The following PUDP variants were observed in gnomAD, a reference collection of about 807,000 sequenced individuals.
PUDP encodes the protein pseudouridine-5'-phosphatase.
In PUDP, 8 loss-of-function variants were observed where a neutral mutation model predicts 9.4. The observed-to-expected ratio is 0.85, with a 90% CI of 0.50 to 1.53. The LOEUF is 1.53. Ranked by LOEUF, PUDP falls within the 40% of genes most tolerant of loss-of-function variation. PUDP has a pLI of 0.00. For missense variants in PUDP, 188 were observed against 189.7 expected (o/e 0.99, Z 0.05); for synonymous variants, 99 against 80.7 (o/e 1.23, Z -1.22).
At chrX:6,818,780 G>A (rs1325182319) in intron 3 of PUDP, among the ~76,000 whole-genome samples, 2 of 111,666 alleles carry the variant, frequency 1.8e-5, no homozygotes, top group African/African-American at 6.5e-5. Flanking sequence ...CCTGTAGCTG[G>A]GTGAAAACAT....
At chrX:7,007,572 T>C (rs1391329948) in intron 1 of PUDP, among the ~76,000 whole-genome samples, 1 of 112,637 alleles carries the variant, frequency 8.9e-6, no homozygotes, top group African/African-American at 3.2e-5. Context: ...CTCAGTTATA[T>C]TGAGCAATGA....
intron 1 of PUDP, among the ~76,000 whole-genome samples, chrX:6,979,318 C>T (rs954223129): frequency 9.0e-6 from 1 of 110,864 alleles, no homozygotes; most frequent in Non-Finnish European, 1.9e-5. Flanking sequence ...CCACCACCTC[C>T]TCCACACACA....
intron 1 of PUDP, among the ~76,000 whole-genome samples, chrX:7,010,252 C>T (rs1453613499): frequency 1.8e-5 from 2 of 111,673 alleles, no homozygotes; most frequent in Admixed American, 1.9e-4. Context: ...CTGGAACAGT[C>T]ATTCTACCCA....
rs966295452 is a variant in PUDP at position 6,989,786 on chromosome X, G to C, written c.205-11443C>G. The C allele has an allele frequency of 2.7e-5, 3 of 112,410 alleles. No homozygotes were observed. The Admixed American group carries it at 2.8e-4, about 11-fold the overall frequency. The allele number at this position is 112,410 out of a possible 1,213,427, so 9.3% of individuals were successfully genotyped here. On this transcript the variant is annotated intron_variant and NMD_transcript_variant, in intron 1 of 3. Coordinates refer to the PUDP transcript ENST00000655425. ...GCTTCAACAAACCAGACAAGTAATC[G>C]TGTATGAGTTAATAAGAGACATGAA...
At chrX:6,804,475 GAATGGT>G (rs1926016033) in intron 3 of PUDP, among the ~76,000 whole-genome samples, 1 of 111,780 alleles carries the variant, frequency 8.9e-6, no homozygotes, top group African/African-American at 3.3e-5. Context: ...AGTGTCTATT[GAATGGT>G]GAAAAAAAAT....
chrX:6,957,004 C>T (rs1928638287), intron 3 of PUDP, among the ~76,000 whole-genome samples: 2 of 112,160 alleles, frequency 1.8e-5, no homozygotes, highest in East Asian at 2.8e-4. Context: ...CTCATCATGT[C>T]CAATGAAGCC....
At chrX:7,006,374 T>C (rs1929402693) in intron 1 of PUDP, among the ~76,000 whole-genome samples, 3 of 112,282 alleles carry the variant, frequency 2.7e-5, no homozygotes, top group African/African-American at 9.7e-5. Context: ...TGTTTGATAG[T>C]AGCCATTTAA....
chrX:6,853,769 A>G, intron 3 of PUDP, among the ~76,000 whole-genome samples: 1 of 110,948 alleles, frequency 9.0e-6, no homozygotes, highest in Admixed American at 9.6e-5. Context: ...GCATGTTTTT[A>G]AATTTTTTTT....
At chrX:6,842,951 G>A (rs1249190064) in intron 3 of PUDP, among the ~76,000 whole-genome samples, 2 of 112,285 alleles carry the variant, frequency 1.8e-5, no homozygotes, top group Non-Finnish European at 3.8e-5. Flanking sequence ...TTATTCCCGT[G>A]TCAAATGATT....
At chrX:7,012,206 T>A (rs370509972) in intron 1 of PUDP, among the ~76,000 whole-genome samples, 2 of 111,995 alleles carry the variant, frequency 1.8e-5, no homozygotes, top group Admixed American at 9.4e-5. Flanking sequence ...ATGGGGATAA[T>A]AGATACCCCT....
intron 1 of PUDP, among the ~76,000 whole-genome samples, chrX:7,032,049 C>G (rs574191974): frequency 9.0e-6 from 1 of 111,447 alleles, no homozygotes; most frequent in Admixed American, 9.5e-5. Context: ...AAAAATAAAA[C>G]AAAAACACAT....
chrX:6,979,269 G>A (rs1928999388), intron 1 of PUDP, among the ~76,000 whole-genome samples: 1 of 111,004 alleles, frequency 9.0e-6, no homozygotes, highest in South Asian at 3.8e-4. Flanking sequence ...TGTTTATTTT[G>A]TTTAGCTCCT....
chrX:7,068,625 C>A (rs1019881605), intron 3 of PUDP, among the ~76,000 whole-genome samples: 1 of 112,224 alleles, frequency 8.9e-6, no homozygotes, highest in African/African-American at 3.2e-5. Context: ...TTGCTGGCTG[C>A]AGACGGCATG....
At chrX:6,884,608 C>T (rs1361231917) in intron 3 of PUDP, among the ~76,000 whole-genome samples, 3 of 111,545 alleles carry the variant, frequency 2.7e-5, no homozygotes, top group African/African-American at 9.8e-5. Context: ...GACACAAAGT[C>T]AGCAACATGA....
At chrX:7,051,752 G>A (rs906018317) in intron 3 of PUDP, among the ~76,000 whole-genome samples, 11 of 111,900 alleles carry the variant, frequency 9.8e-5, no homozygotes, top group Non-Finnish European at 1.9e-4. Context: ...TCATATCACC[G>A]ACCCTCTCAG....
At chrX:7,029,056 C>G (rs975380487) in intron 1 of PUDP, among the ~76,000 whole-genome samples, 5 of 112,202 alleles carry the variant, frequency 4.5e-5, no homozygotes, top group African/African-American at 1.6e-4. Context: ...TTCTGCAGCC[C>G]TAGGGCCACA....
intron 3 of PUDP, among the ~76,000 whole-genome samples, chrX:6,845,504 A>C (rs1926732589): frequency 1.8e-5 from 2 of 112,077 alleles, no homozygotes; most frequent in African/African-American, 6.5e-5. Context: ...TTTAATTTGC[A>C]GACCAATGTT....
chrX:7,059,438 C>A (rs1930337993), intron 3 of PUDP, among the ~76,000 whole-genome samples: 2 of 111,997 alleles, frequency 1.8e-5, no homozygotes, highest in Non-Finnish European at 3.8e-5. Flanking sequence ...TCACTAGAAT[C>A]ATTTTCTTTT....
At chrX:6,879,492 T>A (rs1205990353) in intron 3 of PUDP, among the ~76,000 whole-genome samples, 1 of 110,790 alleles carries the variant, frequency 9.0e-6, no homozygotes, top group Non-Finnish European at 1.9e-5. Flanking sequence ...TTGAGTCCAA[T>A]GTAAGAGCAA....
Sources: gnomAD v4.1 joint callset for allele counts (sites outside exome capture counted in the v4.1 genomes callset) on GRCh38, gnomAD v4.1.1 for gene constraint, MANE v1.5 for transcripts, NCBI Gene and HGNC (gene_info 2026-07-23, HGNC 2026-07-21) for gene names.